The following RSF1 variants were observed in gnomAD, a reference collection of about 807,000 sequenced individuals.
The protein encoded by RSF1 is remodeling and spacing factor 1, also known as HBV pX-associated protein 8.
A neutral mutation model predicts 145.2 loss-of-function variants in RSF1; 13 were observed. The observed-to-expected ratio is 0.09, with a 90% CI of 0.06 to 0.14. The LOEUF is 0.14. Among genes scored for constraint, RSF1 ranks in the 10% least tolerant of loss-of-function variants. The pLI is 1.00. For synonymous variants in RSF1, 577 were observed against 592.6 expected, an observed-to-expected ratio of 0.97 and a Z score of 0.38; for missense variants, 1,517 against 1,718.2, an observed-to-expected ratio of 0.88 and a Z score of 2.07.
chr11:77,718,784 G>A (rs1196408443), intron 5 of RSF1, among the ~76,000 whole-genome samples: 4 of 152,182 alleles, frequency 2.6e-5, no homozygotes, highest in African/African-American at 7.2e-5. Flanking sequence ...GAGAAAATAA[G>A]TTTCTGTTGT....
At chr11:77,804,700 A>G (rs1347043650) in intron 1 of RSF1, among the ~76,000 whole-genome samples, 1 of 152,110 alleles carries the variant, frequency 6.6e-6, no homozygotes, top group Non-Finnish European at 1.5e-5. Context: ...GAGTATGGTG[A>G]CACGTTCCTG....
the RSF1 span, among the ~76,000 whole-genome samples, chr11:77,831,386 T>A: frequency 6.6e-6 from 1 of 152,226 alleles, no homozygotes; most frequent in African/African-American, 2.4e-5. Context: ...AAAAAATTTT[T>A]ACATAAATGT....
At chr11:77,788,774 T>C (rs1214636529) in intron 1 of RSF1, among the ~76,000 whole-genome samples, 1 of 152,150 alleles carries the variant, frequency 6.6e-6, no homozygotes, top group Non-Finnish European at 1.5e-5. Context: ...AGCTTTCACC[T>C]TAAAAGACAA....
intron 8 of RSF1, among the ~76,000 whole-genome samples, chr11:77,692,681 G>GTT (rs71046905): frequency 7.3e-6 from 1 of 136,994 alleles, no homozygotes; most frequent in Non-Finnish European, 1.6e-5. Flanking sequence ...GCCTGGCGGT[G>GTT]TTTTTTTTTT....
chr11:77,865,647 GAAC>G, the RSF1 span, among the ~76,000 whole-genome samples: 1 of 152,192 alleles, frequency 6.6e-6, no homozygotes. Flanking sequence ...GATTTTGAAA[GAAC>G]AACTAGTCAT....
chr11:77,798,918 T>C (rs569142343), intron 1 of RSF1, among the ~76,000 whole-genome samples: 2 of 147,352 alleles, frequency 1.4e-5, no homozygotes, highest in Admixed American at 6.8e-5. Context: ...ACCTATGTAA[T>C]GAAACTGCAC....
chr11:77,777,381 C>T (rs1478344296), intron 1 of RSF1, among the ~76,000 whole-genome samples: 1 of 152,002 alleles, frequency 6.6e-6, no homozygotes, highest in African/African-American at 2.4e-5. Context: ...CCCCTGAGGT[C>T]AGGAGTTTGA....
intron 4 of RSF1, 70 bp downstream of exon 4, chr11:77,740,661 T>A (rs1030261230): frequency 7.1e-6 from 10 of 1,413,636 alleles, no homozygotes; most frequent in Admixed American, 6.8e-5. Flanking sequence ...ATAGATAACA[T>A]CCTAGTTTTG....
At chr11:77,760,490 G>C (rs764258542) in intron 2 of RSF1, among the ~76,000 whole-genome samples, 6 of 152,170 alleles carry the variant, frequency 3.9e-5, no homozygotes, top group Non-Finnish European at 5.9e-5. Context: ...TAGTGGTTAT[G>C]TTTGCACAAC....
At chr11:77,708,467 T>C (rs1417351598) in intron 5 of RSF1, among the ~76,000 whole-genome samples, 1 of 152,174 alleles carries the variant, frequency 6.6e-6, no homozygotes, top group Admixed American at 6.5e-5. Flanking sequence ...CAGTGATGTC[T>C]ATTTTAAGCT....
intron 1 of RSF1, among the ~76,000 whole-genome samples, chr11:77,774,509 T>C (rs1352182373): frequency 6.6e-6 from 1 of 151,174 alleles, no homozygotes; most frequent in Non-Finnish European, 1.5e-5. Context: ...GAGGTGGAGG[T>C]TGCAGTGAAC....
At chr11:77,816,122 T>C (rs1265419434) in intron 1 of RSF1, among the ~76,000 whole-genome samples, 2 of 152,186 alleles carry the variant, frequency 1.3e-5, no homozygotes, top group Non-Finnish European at 2.9e-5. Flanking sequence ...TAAAGAATAT[T>C]TGCTTTTTCA....
chr11:77,838,818 G>A, the RSF1 span, among the ~76,000 whole-genome samples: 46 of 151,776 alleles, frequency 3.0e-4, no homozygotes, highest in South Asian at 1.5e-3. Flanking sequence ...GAGTTTCACC[G>A]TGTTAGCCAG....
chr11:77,788,142 CAAAAAAAAAAAAAAAAAAAAA>C (rs66595170), intron 1 of RSF1, among the ~76,000 whole-genome samples: 2 of 3,430 alleles, frequency 5.8e-4, no homozygotes, highest in Admixed American at 7.6e-3. Context: ...GACACTATCT[CAAAAAAAAAAAAAAAAAAAAA>C]AAAAAAAAAA....
intron 2 of RSF1, among the ~76,000 whole-genome samples, chr11:77,761,614 T>C (rs1948172783): frequency 6.6e-6 from 1 of 152,174 alleles, no homozygotes; most frequent in Non-Finnish European, 1.5e-5. Context: ...GTATTCATTA[T>C]CCATGGTCAA....
At chr11:77,841,390 TA>T in the RSF1 span, 1 of 593,154 alleles carries the variant, frequency 1.7e-6, no homozygotes, top group African/African-American at 1.9e-5. Flanking sequence ...ATTTTATTCT[TA>T]AACCCAGTTT....
chr11:77,693,877 C>A (rs1247949011), intron 7 of RSF1, among the ~76,000 whole-genome samples: 1 of 151,986 alleles, frequency 6.6e-6, no homozygotes, highest in African/African-American at 2.4e-5. Flanking sequence ...CTCCGTCTCC[C>A]GGGTTCAAGT....
chr11:77,803,042 G>A (rs542168824), intron 1 of RSF1, among the ~76,000 whole-genome samples: 7 of 152,220 alleles, frequency 4.6e-5, no homozygotes, highest in African/African-American at 1.7e-4. Context: ...CAAATGGGAC[G>A]GGATAGGGGC....
At chr11:77,843,690 G>A in the RSF1 span, among the ~76,000 whole-genome samples, 1 of 152,114 alleles carries the variant, frequency 6.6e-6, no homozygotes, top group Non-Finnish European at 1.5e-5. Flanking sequence ...TCACAGTTCT[G>A]GAGACTGAAA....
Sources: gnomAD v4.1 joint callset for allele counts (sites outside exome capture counted in the v4.1 genomes callset) on GRCh38, gnomAD v4.1.1 for gene constraint, MANE v1.5 for transcripts, NCBI Gene and HGNC (gene_info 2026-07-23, HGNC 2026-07-21) for gene names.